The following PLVAP variants were observed in gnomAD, a reference collection of about 807,000 sequenced individuals.
The protein encoded by PLVAP is plasmalemma vesicle-associated protein.
A neutral mutation model predicts 43.1 loss-of-function variants in PLVAP; 34 were observed. The ratio of observed to expected loss-of-function variants is 0.79; its 90% CI spans 0.60 to 1.05. The LOEUF (loss-of-function observed/expected upper bound fraction) is 1.05. Ranked by LOEUF, PLVAP falls within the 50% of genes least tolerant of loss-of-function variation. PLVAP has a pLI of 0.00. For synonymous variants in PLVAP, 241 were observed against 237.3 expected (o/e 1.02, Z -0.14); for missense variants, 574 against 593.4 (o/e 0.97, Z 0.34).
intron 3 of PLVAP, among the ~76,000 whole-genome samples, chr19:17,364,931 C>T (rs1027491706): frequency 6.6e-6 from 1 of 151,958 alleles, no homozygotes; most frequent in Admixed American, 6.6e-5. Context: ...CGCCACCACG[C>T]CCGGCTAATT....
chr19:17,365,558 C>A lies in PLVAP; in HGVS notation c.907G>T (p.Asp303Tyr). 6.2e-7 allele frequency: 1 copy of A among 1,612,030 alleles called. No homozygotes were observed. The highest frequency in any genetic ancestry group is 8.5e-7 in the Non-Finnish European group (1 of 1,180,016). ...DIERVARENS[D>Y]LQRQKLEAQQ... is the part of the protein sequence containing the mutation. ...GCTTCCAGCTTCTGGCGTTGGAGGT[C>A]TGAGTTCTCGCGGGCCACGCGTTCG... Residue 303 changes from aspartate to tyrosine, a missense_variant, in exon 3 of 6, where the codon GAC (aspartate) becomes TAC (tyrosine). Coordinates refer to ENST00000252590, the MANE Select transcript of PLVAP (RefSeq NM_031310.3).
At chr19:17,352,749 C>T (rs567188752) in intron 5 of PLVAP, among the ~76,000 whole-genome samples, 4 of 152,212 alleles carry the variant, frequency 2.6e-5, no homozygotes, top group South Asian at 2.1e-4. Context: ...TACCCCAAAG[C>T]CTCTGCTCCC....
chr19:17,362,040 T>C (rs189134337), intron 3 of PLVAP: 4 of 152,258 alleles, frequency 2.6e-5, no homozygotes, highest in South Asian at 2.1e-4. Flanking sequence ...TGAGCCAAGA[T>C]TGTACCACTG....
Position 17,365,867 on chromosome 19 carries a change from A to T in PLVAP, c.598T>A (p.Cys200Ser). Residue 200 changes from cysteine to serine, a missense_variant, in exon 3 of 6, where the codon TGC (cysteine) becomes AGC (serine). Coordinates refer to ENST00000252590, the MANE Select transcript of PLVAP (RefSeq NM_031310.3). ...KRVAEEQLVE[C>S]VKTRELQHQE... ...TGCTGCAGCTCCCGGGTTTTCACGC[A>T]TTCAACCAGCTGTTCCTCCGCCACG... The T allele has an allele frequency of 2.5e-6, 4 of 1,614,048 alleles. No individual in the cohort carries two copies. The highest frequency in any genetic ancestry group is 3.4e-6 in the Non-Finnish European group (4 of 1,180,024).
chr19:17,353,646 C>T lies in PLVAP; in HGVS notation c.1323-1278G>A, dbSNP rs2074494689. Among the ~76,000 whole-genome samples, 4 of 152,220 alleles carry T rather than the reference C, an allele frequency of 2.6e-5. No homozygotes were observed. In the South Asian group the frequency reaches 8.3e-4, roughly 32 times the overall value. On this transcript the variant is annotated intron_variant, in intron 5 of 5. Coordinates refer to ENST00000252590, the MANE Select transcript of PLVAP (RefSeq NM_031310.3). ...CCCCCCATGGCTCCTCCCTCACCTC[C>T]TCTGGGTCTCTGCTTCAATATCACC...
intron 1 of PLVAP, among the ~76,000 whole-genome samples, chr19:17,368,711 C>G (rs2074559912): frequency 6.6e-6 from 1 of 152,088 alleles, no homozygotes; most frequent in South Asian, 2.1e-4. Flanking sequence ...GCTATGGTGG[C>G]TCACGCCTGT....
intron 1 of PLVAP, among the ~76,000 whole-genome samples, chr19:17,371,912 ACT>A (rs2074573620): frequency 6.6e-6 from 1 of 151,874 alleles, no homozygotes; most frequent in African/African-American, 2.4e-5. Context: ...TCTTTCTGCA[ACT>A]CTCTGTCCTT....
chr19:17,356,317 A>G (rs1327619177), intron 5 of PLVAP, among the ~76,000 whole-genome samples: 1 of 152,094 alleles, frequency 6.6e-6, no homozygotes, highest in Non-Finnish European at 1.5e-5. Flanking sequence ...TAAAAAGAAA[A>G]AGAAAGATTT....
chr19:17,376,449 T>C (rs2074595544), intron 1 of PLVAP, among the ~76,000 whole-genome samples: 1 of 150,828 alleles, frequency 6.6e-6, no homozygotes, highest in African/African-American at 2.4e-5. Flanking sequence ...GTGATAGCAA[T>C]TGCACTCCAT....
In PLVAP at chr19:17,352,263, C is replaced by CG; in HGVS notation, c.*98dup. ...GATGGTGGCCCTGGGTGGTTGGGGG[C>CG]GGCGGGAGGGGGTTGTGTCGGGCGC... On this transcript the variant is annotated 3_prime_UTR_variant, in exon 6 of 6. Transcript: ENST00000252590. 3 of 1,084,456 alleles carry CG rather than the reference C, an allele frequency of 2.8e-6. No individual in the cohort carries two copies. Among genetic ancestry groups the CG allele is most frequent in the South Asian group, 1.5e-5 (1 of 65,110 alleles). 67.2% of individuals were successfully genotyped at this position (1,084,456 alleles called of 1,614,324 possible). A position where few individuals can be genotyped will look rare whatever the true frequency, so the allele number is the denominator to read the frequency against.
At chr19:17,364,081 GTGTTT>G (rs2074539039) in intron 3 of PLVAP, among the ~76,000 whole-genome samples, 1 of 149,966 alleles carries the variant, frequency 6.7e-6, no homozygotes, top group South Asian at 2.1e-4. Flanking sequence ...ATGGGGTTTT[GTGTTT>G]TGTTTGTTTG....
chr19:17,354,362 G>A (rs1001535853), intron 5 of PLVAP, among the ~76,000 whole-genome samples: 2 of 151,858 alleles, frequency 1.3e-5, no homozygotes, highest in Admixed American at 1.3e-4. Context: ...TTTGGGAGAC[G>A]GAGGTGGGCG....
At chr19:17,366,628 CT>C (rs11459938) in intron 1 of PLVAP, among the ~76,000 whole-genome samples, 193 of 144,208 alleles carry the variant, frequency 1.3e-3, no homozygotes, top group Admixed American at 1.5e-3. Flanking sequence ...AACTGAATTT[CT>C]TTTTTTTTTT....
intron 1 of PLVAP, among the ~76,000 whole-genome samples, chr19:17,374,543 AG>A (rs2074587095): frequency 6.6e-6 from 1 of 152,222 alleles, no homozygotes; most frequent in African/African-American, 2.4e-5. Flanking sequence ...TTCAACACCC[AG>A]CATACAGCAA....
intron 1 of PLVAP, among the ~76,000 whole-genome samples, chr19:17,366,570 G>T (rs1180883809): frequency 6.6e-6 from 1 of 151,830 alleles, no homozygotes; most frequent in Non-Finnish European, 1.5e-5. Context: ...ATAAATACAT[G>T]CTACAACATG....
chr19:17,373,798 G>A (rs1372169211), intron 1 of PLVAP, among the ~76,000 whole-genome samples: 2 of 152,072 alleles, frequency 1.3e-5, no homozygotes, highest in East Asian at 3.9e-4. Flanking sequence ...CAGAGAGCCC[G>A]CCTGTTTCTG....
At chr19:17,360,637 C>T in intron 4 of PLVAP, 28 bp from the exon 5 acceptor site, 1 of 1,599,506 alleles carries the variant, frequency 6.3e-7, no homozygotes, top group Non-Finnish European at 8.5e-7. Context: ...TGAGGCTTGA[C>T]CTACAGCTTC....
chr19:17,360,904 T>C, intron 3 of PLVAP, 72 bp from the exon 4 acceptor site: 1 of 1,317,094 alleles, frequency 7.6e-7, no homozygotes, highest in Non-Finnish European at 1.1e-6. Context: ...TTTTCTTTTC[T>C]TTTCTTTTTC....
chr19:17,355,578 G>T (rs903154624), intron 5 of PLVAP, among the ~76,000 whole-genome samples: 2 of 150,814 alleles, frequency 1.3e-5, no homozygotes, highest in African/African-American at 2.4e-5. Context: ...GCCCAGGCTG[G>T]AGTGCAGTGG....
Sources: allele counts gnomAD v4.1 joint callset (sites outside exome capture counted in the v4.1 genomes callset), GRCh38; gene constraint gnomAD v4.1.1; transcripts MANE v1.5; gene names NCBI Gene and HGNC (gene_info 2026-07-23, HGNC 2026-07-21).